Variants in SORCS3 observed in about 807,000 individuals in gnomAD.
SORCS3 encodes the protein sortilin related VPS10 domain containing receptor 3.
Under a neutral mutation model 146.3 loss-of-function variants are expected in SORCS3, and 57 were observed. The observed-to-expected ratio is 0.39, with a 90% CI of 0.31 to 0.49. The LOEUF is 0.49. Ranked by LOEUF, SORCS3 falls within the 20% of genes least tolerant of loss-of-function variation. SORCS3 has a pLI of 0.92. For missense variants in SORCS3, 1,341 were observed against 1,575.5 expected, an observed-to-expected ratio of 0.85 and a Z score of 2.52; for synonymous variants, 653 against 618.5, an observed-to-expected ratio of 1.06 and a Z score of -0.83.
chr10:104,705,269 G>A (rs1055718607), intron 1 of SORCS3, among the ~76,000 whole-genome samples: 2 of 139,868 alleles, frequency 1.4e-5, no homozygotes, highest in African/African-American at 2.6e-5. Context: ...TTAGAGTTCC[G>A]GATTATCTTT....
intron 7 of SORCS3, among the ~76,000 whole-genome samples, chr10:105,128,878 T>A (rs1011476189): frequency 1.3e-5 from 2 of 152,210 alleles, no homozygotes; most frequent in Non-Finnish European, 2.9e-5. Flanking sequence ...TTTATTATGT[T>A]GTTTATTCAC....
intron 20 of SORCS3, among the ~76,000 whole-genome samples, chr10:105,242,370 A>C (rs1253050353): frequency 8.1e-6 from 1 of 122,814 alleles, no homozygotes; most frequent in African/African-American, 3.2e-5. Context: ...ATATATATTT[A>C]TACATATATT....
At chr10:104,652,916 T>C (rs1057151965) in intron 1 of SORCS3, among the ~76,000 whole-genome samples, 1 of 152,212 alleles carries the variant, frequency 6.6e-6, no homozygotes, top group Non-Finnish European at 1.5e-5. Flanking sequence ...GGTAAACATA[T>C]GTTGGACAGA....
At chr10:104,854,110 T>G (rs1432758485) in intron 2 of SORCS3, among the ~76,000 whole-genome samples, 1 of 152,216 alleles carries the variant, frequency 6.6e-6, no homozygotes, top group Non-Finnish European at 1.5e-5. Context: ...GAACATTGTC[T>G]CAGCCCTGGA....
In SORCS3 at chr10:104,641,382, C is replaced by T. The variant is rs1459666843; in HGVS notation, c.55C>T (p.Arg19Trp). The change falls in exon 1 of 27, where the codon CGG becomes TGG. Residue 19 changes from arginine to tryptophan, a missense_variant. By Grantham distance (101) the Arg-to-Trp change is moderately radical (BLOSUM62 -3). Transcript: ENST00000369701. This position sits in a 1 kb window ranked among gnomAD's most constrained non-coding sequence, Gnocchi z 6.4. ...PAGRPGAPLV[R>W]TGLLLLSTWV... is the part of the protein sequence containing the mutation. ...AGGCAGGCCGGGGGCGCCGCTTGTC[C>T]GGACGGGGCTCCTACTCTTGTCGAC... 4 of 1,432,012 alleles carry T rather than the reference C, an allele frequency of 2.8e-6. No individual in the cohort carries two copies. The highest frequency in any genetic ancestry group is 1.5e-5 in the African/African-American group (1 of 67,406). The allele number at this position is 1,432,012 out of a possible 1,614,324, so 88.7% of individuals were successfully genotyped here. A position where few individuals can be genotyped will look rare whatever the true frequency, so the allele number is the denominator to read the frequency against.
chr10:104,808,511 C>T (rs1314039375), intron 1 of SORCS3, among the ~76,000 whole-genome samples: 1 of 152,032 alleles, frequency 6.6e-6, no homozygotes, highest in Non-Finnish European at 1.5e-5. Context: ...GAAGGATAGG[C>T]ATTCACCTGT....
At chr10:105,164,818 T>C (rs1311324678) in intron 12 of SORCS3, among the ~76,000 whole-genome samples, 1 of 152,200 alleles carries the variant, frequency 6.6e-6, no homozygotes, top group African/African-American at 2.4e-5. Flanking sequence ...TCAGTGGTTG[T>C]TTAAGTATTG....
chr10:104,711,605 G>T (rs2016417458), intron 1 of SORCS3, among the ~76,000 whole-genome samples: 1 of 152,244 alleles, frequency 6.6e-6, no homozygotes, highest in Non-Finnish European at 1.5e-5. Context: ...GGAGTGCAGG[G>T]AGGACCAGAG....
intron 1 of SORCS3, among the ~76,000 whole-genome samples, chr10:104,810,245 T>A (rs1269406803): frequency 6.6e-6 from 1 of 152,176 alleles, no homozygotes; most frequent in East Asian, 1.9e-4. Context: ...AATTAGAAAA[T>A]CTGAAAACAT....
chr10:105,207,466 T>G (rs2056609678), intron 16 of SORCS3, among the ~76,000 whole-genome samples: 2 of 152,114 alleles, frequency 1.3e-5, no homozygotes, highest in Non-Finnish European at 2.9e-5. Flanking sequence ...GGAAAATGTG[T>G]GTGTGTTTGC....
At chr10:104,842,272 C>T (rs960841355) in intron 1 of SORCS3, among the ~76,000 whole-genome samples, 4 of 152,190 alleles carry the variant, frequency 2.6e-5, no homozygotes, top group African/African-American at 7.2e-5. Context: ...GGAAGTAGGC[C>T]TGTCTGCATT....
intron 4 of SORCS3, among the ~76,000 whole-genome samples, chr10:105,035,553 C>T (rs542980849): frequency 9.9e-5 from 15 of 151,750 alleles, no homozygotes; most frequent in Admixed American, 4.6e-4. Flanking sequence ...CTGCAACCTC[C>T]GCCTCCCAGA....
At chr10:104,691,412 C>T (rs1047322093) in intron 1 of SORCS3, among the ~76,000 whole-genome samples, 3 of 152,320 alleles carry the variant, frequency 2.0e-5, no homozygotes, top group Admixed American at 6.5e-5. Flanking sequence ...TGGATTAGCA[C>T]CAACTAAAGA....
At chr10:105,093,445 T>C (rs915481275) in intron 6 of SORCS3, among the ~76,000 whole-genome samples, 4 of 152,198 alleles carry the variant, frequency 2.6e-5, no homozygotes, top group Non-Finnish European at 5.9e-5. Flanking sequence ...TTACAACTTT[T>C]GCTCTTCAAA....
At chr10:104,672,399 T>C (rs796382685) in intron 1 of SORCS3, among the ~76,000 whole-genome samples, 5 of 152,258 alleles carry the variant, frequency 3.3e-5, no homozygotes, top group African/African-American at 1.2e-4. Context: ...GTCAATCTCA[T>C]TGATCTTTTC....
intron 5 of SORCS3, among the ~76,000 whole-genome samples, chr10:105,046,663 A>G (rs1426943108): frequency 1.3e-5 from 2 of 152,162 alleles, no homozygotes; most frequent in African/African-American, 4.8e-5. Context: ...ATTCATTAGC[A>G]TCAATACTAA....
At chr10:104,885,027 A>G (rs1328708070) in intron 2 of SORCS3, among the ~76,000 whole-genome samples, 4 of 152,180 alleles carry the variant, frequency 2.6e-5, no homozygotes, top group African/African-American at 9.7e-5. Flanking sequence ...CTAAACTTTA[A>G]ATTCAGTATT....
chr10:105,132,182 C>T (rs1008197069), intron 7 of SORCS3, among the ~76,000 whole-genome samples: 5 of 152,118 alleles, frequency 3.3e-5, no homozygotes, highest in Non-Finnish European at 7.4e-5. Flanking sequence ...TTTTCCTACA[C>T]CTGTTTCCCC....
At chr10:105,203,772 T>C (rs2056587017) in intron 16 of SORCS3, among the ~76,000 whole-genome samples, 1 of 152,180 alleles carries the variant, frequency 6.6e-6, no homozygotes, top group African/African-American at 2.4e-5. Context: ...AATTCATATA[T>C]TAATATACAT....
Sources: gnomAD v4.1 joint callset for allele counts (sites outside exome capture counted in the v4.1 genomes callset) on GRCh38, gnomAD v4.1.1 for gene constraint, Gnocchi (gnomAD v3.1) non-coding constraint, MANE v1.5 for transcripts, NCBI Gene and HGNC (gene_info 2026-07-23, HGNC 2026-07-21) for gene names.